Variants in FRMPD1 observed in about 807,000 individuals in gnomAD.
FRMPD1 encodes FERM and PDZ domain-containing protein 1.
Under a neutral mutation model 117.8 loss-of-function variants are expected in FRMPD1, and 76 were observed. That is an observed-to-expected ratio of 0.65 (90% CI 0.54 to 0.78). The LOEUF (loss-of-function observed/expected upper bound fraction) is 0.78, where lower values mean the gene tolerates loss of function less well. Ranked by LOEUF, FRMPD1 falls within the 30% of genes least tolerant of loss-of-function variation. The probability of loss-of-function intolerance (pLI) is 0.00; values close to 1 mark genes in which losing one functional copy is unlikely to be tolerated. For missense variants in FRMPD1, 1,786 were observed against 1,964.5 expected, an observed-to-expected ratio of 0.91 and a Z score of 1.72; for synonymous variants, 783 against 770.4, an observed-to-expected ratio of 1.02 and a Z score of -0.27.
the FRMPD1 span, among the ~76,000 whole-genome samples, chr9:37,630,914 G>A: frequency 8.5e-4 from 129 of 152,258 alleles, no homozygotes; most frequent in African/African-American, 2.6e-3. Context: ...TAGTGTTCTG[G>A]ACAGTGTCGT....
At chr9:37,673,745 C>T (rs570402491) in intron 1 of FRMPD1, among the ~76,000 whole-genome samples, 2 of 152,376 alleles carry the variant, frequency 1.3e-5, no homozygotes, top group South Asian at 4.1e-4. Flanking sequence ...AGTCTCAACA[C>T]CACGTGGAAG....
Position 37,692,726 on chromosome 9 carries a change from C to A in FRMPD1, c.85C>A (p.Arg29=). 1 of 1,612,734 alleles carries A rather than the reference C, an allele frequency of 6.2e-7. No homozygotes were observed. Among genetic ancestry groups the A allele is most frequent in the Non-Finnish European group, 8.5e-7 (1 of 1,178,756 alleles). Residue 29 remains arginine, a synonymous_variant, in exon 2 of 16, where the codon CGG becomes AGG. Coordinates refer to ENST00000377765, the MANE Select transcript of FRMPD1 (RefSeq NM_014907.3). ...GGTGGCAAGATGGCTTCGGCGCTCC[C>A]GGGACAGCTCGGCCCGGTAAGCCTC... The part of the protein sequence containing the change: ...QMVARWLRRS[R]DSSARAKVAA...
chr9:37,723,686 G>A (rs902189996), intron 6 of FRMPD1, among the ~76,000 whole-genome samples: 7 of 152,038 alleles, frequency 4.6e-5, no homozygotes, highest in African/African-American at 1.7e-4. Context: ...GTGAAACCCT[G>A]TCTCTACTAA....
chr9:37,714,946 C>T (rs763371296), intron 5 of FRMPD1, among the ~76,000 whole-genome samples: 39 of 152,120 alleles, frequency 2.6e-4, no homozygotes, highest in Non-Finnish European at 5.3e-4. Flanking sequence ...CTGCGCCTGG[C>T]CCTGAAGAAT....
At chr9:37,639,690 C>T in the FRMPD1 span, among the ~76,000 whole-genome samples, 1 of 152,152 alleles carries the variant, frequency 6.6e-6, no homozygotes, top group African/African-American at 2.4e-5. Context: ...AGTGTCTATG[C>T]ACTTCCCAGG....
chr9:37,713,990 T>C (rs1823009722), intron 5 of FRMPD1, among the ~76,000 whole-genome samples: 2 of 152,238 alleles, frequency 1.3e-5, no homozygotes, highest in Admixed American at 6.5e-5. Flanking sequence ...GTCTCCTCTC[T>C]GTATTTGACA....
Position 37,746,656 on chromosome 9 carries a change from T to C in FRMPD1, c.4624T>C (p.Cys1542Arg), listed in dbSNP as rs773422758. 6.2e-6 allele frequency: 10 copies of C among 1,614,040 alleles called. No individual in the cohort carries two copies. ...HQFIEAAKST[C>R]ERGYHDLSVK... ...GTTTATAGAGGCTGCTAAATCGACC[T>C]GCGAGAGAGGCTACCACGACCTGAG... The change falls in exon 16 of 16, where the codon TGC becomes CGC. Residue 1542 changes from cysteine to arginine, a missense_variant. By Grantham distance (180) the Cys-to-Arg change is radical. Coordinates refer to ENST00000377765, the MANE Select transcript of FRMPD1 (RefSeq NM_014907.3).
chr9:37,610,892 A>G, the FRMPD1 span, among the ~76,000 whole-genome samples: 1 of 152,184 alleles, frequency 6.6e-6, no homozygotes, highest in Non-Finnish European at 1.5e-5. Context: ...GTGAGCCACC[A>G]TCCTGGCCTC....
chr9:37,660,924 C>T (rs980117526), intron 1 of FRMPD1, among the ~76,000 whole-genome samples: 3 of 152,232 alleles, frequency 2.0e-5, no homozygotes, highest in Non-Finnish European at 4.4e-5. Context: ...TTAGCTGCAT[C>T]TGGCTCCCAG....
intron 5 of FRMPD1, among the ~76,000 whole-genome samples, chr9:37,718,473 A>G (rs1028972539): frequency 1.3e-5 from 2 of 152,190 alleles, no homozygotes; most frequent in African/African-American, 4.8e-5. Context: ...ATCTAGTCCA[A>G]AGTCTTCACC....
At chr9:37,682,378 G>GAT (rs774846731) in intron 1 of FRMPD1, among the ~76,000 whole-genome samples, 3 of 152,244 alleles carry the variant, frequency 2.0e-5, no homozygotes, top group Non-Finnish European at 4.4e-5. Context: ...GTGGGAGATA[G>GAT]AGTTGGACAT....
At chr9:37,627,851 G>A in the FRMPD1 span, among the ~76,000 whole-genome samples, 1 of 152,176 alleles carries the variant, frequency 6.6e-6, no homozygotes, top group Admixed American at 6.5e-5. Context: ...AGCCTATTCA[G>A]GCTACCAAGT....
intron 1 of FRMPD1, chr9:37,668,228 G>T (rs1186997202): frequency 1.3e-5 from 2 of 152,224 alleles, no homozygotes; most frequent in Non-Finnish European, 2.9e-5. Flanking sequence ...CAGGACTCCT[G>T]TGCCTGTCGT....
chr9:37,726,572 C>A (rs1275678073), intron 7 of FRMPD1, among the ~76,000 whole-genome samples: 2 of 152,094 alleles, frequency 1.3e-5, no homozygotes, highest in Non-Finnish European at 2.9e-5. Context: ...GTGGTGCAAG[C>A]CTGTAGTCCC....
chr9:37,680,464 G>T (rs977948590), intron 1 of FRMPD1, among the ~76,000 whole-genome samples: 1 of 152,224 alleles, frequency 6.6e-6, no homozygotes, highest in Non-Finnish European at 1.5e-5. Flanking sequence ...AAGCTAAAAC[G>T]AGAGGCACTG....
rs35764873 is a variant in FRMPD1, at chr9:37,731,074, C to A, written c.829C>A (p.Pro277Thr). 6.8e-6 allele frequency: 11 copies of A among 1,613,534 alleles called. No individual in the cohort carries two copies. The highest frequency in any genetic ancestry group is 9.3e-6 in the Non-Finnish European group (11 of 1,179,488). The change falls in exon 9 of 16, where the codon CCC becomes ACC. Residue 277 changes from proline to threonine, a missense_variant. Physicochemically the swap from Pro to Thr is conservative, Grantham distance 38 (BLOSUM62 -1). Coordinates refer to ENST00000377765, the MANE Select transcript of FRMPD1 (RefSeq NM_014907.3). The part of the protein sequence containing the change: ...KDPLDLLKED[P>T]VAFEYLYLQS... ...CCCCCTGGACCTCCTGAAAGAAGAC[C>A]CCGTGGCCTTTGAATACCTCTATCT...
chr9:37,742,472 G>C (rs1824468887), intron 15 of FRMPD1, among the ~76,000 whole-genome samples: 1 of 152,248 alleles, frequency 6.6e-6, no homozygotes, highest in Admixed American at 6.5e-5. Flanking sequence ...CCTGGGTTCT[G>C]ATTTGGCCCC....
At chr9:37,731,154 T>G (rs1395704530) in intron 9 of FRMPD1, 51 bp downstream of exon 9, 1 of 1,571,540 alleles carries the variant, frequency 6.4e-7, no homozygotes, top group African/African-American at 1.4e-5. Flanking sequence ...TCAAAGATGG[T>G]GCACTGGGTG....
At chr9:37,657,805 C>G (rs952828997) in intron 1 of FRMPD1, among the ~76,000 whole-genome samples, 3 of 152,016 alleles carry the variant, frequency 2.0e-5, no homozygotes, top group Admixed American at 2.0e-4. Flanking sequence ...AACAAGACTG[C>G]CAGCTCCGGA....
Sources: gnomAD v4.1 joint callset for allele counts (sites outside exome capture counted in the v4.1 genomes callset) on GRCh38, gnomAD v4.1.1 for gene constraint, MANE v1.5 for transcripts, NCBI Gene and HGNC (gene_info 2026-07-23, HGNC 2026-07-21) for gene names.